The following DPF3 variants were observed in gnomAD, a reference collection of about 807,000 sequenced individuals.
DPF3 encodes double PHD fingers 3, also known as zinc finger protein DPF3.
In DPF3, 18 loss-of-function variants were observed where a neutral mutation model predicts 56.8. The ratio of observed to expected loss-of-function variants is 0.32; its 90% CI spans 0.22 to 0.47. The LOEUF (loss-of-function observed/expected upper bound fraction) is 0.47, where lower values mean the gene tolerates loss of function less well. Among genes scored for constraint, DPF3 ranks in the 20% least tolerant of loss-of-function variants. DPF3 has a pLI of 1.00. For missense variants in DPF3, 403 were observed against 488.8 expected (o/e 0.82, Z 1.65); for synonymous variants, 188 against 180.2 (o/e 1.04, Z -0.35).
rs373972504 is a variant in DPF3 at position 72,892,993 on chromosome 14, A to C, written c.32+1064T>G. Among the ~76,000 whole-genome samples, 27 of 140,812 alleles carry C rather than the reference A, an allele frequency of 1.9e-4. 2 individuals are homozygous for C. Among genetic ancestry groups the C allele is most frequent in the South Asian group, 4.6e-4 (2 of 4,382 alleles). 92.4% of individuals were successfully genotyped at this position (140,812 alleles called of 152,430 possible). On this transcript the variant is annotated intron_variant, in intron 1 of 10. Coordinates refer to ENST00000556509, the MANE Select transcript of DPF3 (RefSeq NM_001280542.3). ...GAAGGAAGGAAGGAAGGAAGGAAGG[A>C]AGGAAGGAAGGAAGGAAGGAAGGAA...
intron 1 of DPF3, among the ~76,000 whole-genome samples, chr14:72,840,680 C>T (rs1316820923): frequency 6.6e-6 from 1 of 152,182 alleles, no homozygotes; most frequent in Non-Finnish European, 1.5e-5. Context: ...TGTTATAATT[C>T]ATGATATAAA....
intron 6 of DPF3, among the ~76,000 whole-genome samples, chr14:72,700,771 A>G (rs1333675018): frequency 6.6e-6 from 1 of 152,192 alleles, no homozygotes; most frequent in Non-Finnish European, 1.5e-5. Context: ...GTGCCTCAGC[A>G]TCCTCTCTGT....
intron 1 of DPF3, among the ~76,000 whole-genome samples, chr14:72,826,162 T>A (rs555152723): frequency 2.6e-5 from 4 of 152,262 alleles, no homozygotes; most frequent in African/African-American, 9.6e-5. Context: ...TTGAATAGCA[T>A]GTCAGATAAT....
At chr14:72,671,529 T>C in intron 8 of DPF3, 1 of 831,374 alleles carries the variant, frequency 1.2e-6, no homozygotes, top group Non-Finnish European at 2.1e-6. Flanking sequence ...GGGAAGAGGC[T>C]TCCCCCACTC....
rs558878207 is a variant in DPF3, at chr14:72,714,339, C to A, written c.604+84G>T. ...GAGAGCACACACTGAGGTTGGCAGG[C>A]GGATGGCCAAGGAAGCACAGGGAAG... On this transcript the variant is annotated intron_variant, in intron 6 of 10. Coordinates refer to ENST00000556509, the MANE Select transcript of DPF3 (RefSeq NM_001280542.3). 3.2e-6 allele frequency: 5 copies of A among 1,547,074 alleles called. No homozygotes were observed. In the Admixed American group the frequency reaches 5.2e-5, roughly 16 times the overall value.
At chr14:72,745,774 G>C (rs1011060736) in intron 3 of DPF3, among the ~76,000 whole-genome samples, 1 of 152,120 alleles carries the variant, frequency 6.6e-6, no homozygotes, top group African/African-American at 2.4e-5. Flanking sequence ...ACTCTATCCT[G>C]AGTCACGCGC....
chr14:72,784,951 C>T (rs1274384019), intron 1 of DPF3, among the ~76,000 whole-genome samples: 1 of 151,094 alleles, frequency 6.6e-6, no homozygotes, highest in Non-Finnish European at 1.5e-5. Flanking sequence ...GAGCAAAACA[C>T]CGCCTCAAAA....
At chr14:72,663,612 C>G (rs536873461) in intron 8 of DPF3, among the ~76,000 whole-genome samples, 1 of 152,154 alleles carries the variant, frequency 6.6e-6, no homozygotes, top group Non-Finnish European at 1.5e-5. Flanking sequence ...GTCTTTGGAA[C>G]GGAGTAGTTG....
At chr14:72,743,744 C>T (rs1315707903) in intron 3 of DPF3, among the ~76,000 whole-genome samples, 1 of 152,240 alleles carries the variant, frequency 6.6e-6, no homozygotes, top group Non-Finnish European at 1.5e-5. Context: ...TCTGCCAGCT[C>T]CACTCCCCCT....
At chr14:72,836,534 C>A in intron 1 of DPF3, 1 of 984,370 alleles carries the variant, frequency 1.0e-6, no homozygotes, top group Non-Finnish European at 1.2e-6. Flanking sequence ...ATTATGATTG[C>A]CCTGTGGTTG....
At chr14:72,691,843 G>T (rs540359045) in intron 7 of DPF3, among the ~76,000 whole-genome samples, 15 of 152,240 alleles carry the variant, frequency 9.9e-5, no homozygotes, top group African/African-American at 3.6e-4. Flanking sequence ...AAGTCAAGGA[G>T]AGGAAACCAA....
chr14:72,692,881 T>C (rs1482067539), intron 7 of DPF3, among the ~76,000 whole-genome samples, 195 bp downstream of exon 7: 1 of 152,196 alleles, frequency 6.6e-6, no homozygotes, highest in Non-Finnish European at 1.5e-5. Flanking sequence ...GCCCTGCTAT[T>C]GCTAAGCCTA....
intron 3 of DPF3, among the ~76,000 whole-genome samples, chr14:72,747,347 C>A (rs1890367002): frequency 6.6e-6 from 1 of 152,136 alleles, no homozygotes. Context: ...GGGGTAATAA[C>A]CCCAGCCAGC....
intron 3 of DPF3, among the ~76,000 whole-genome samples, chr14:72,745,663 C>A (rs1010238821): frequency 3.9e-5 from 6 of 152,082 alleles, no homozygotes; most frequent in African/African-American, 1.4e-4. Flanking sequence ...GTTTCCCTCA[C>A]CTGCTCCCCT....
intron 9 of DPF3, among the ~76,000 whole-genome samples, 180 bp from the exon 10 acceptor site, chr14:72,620,164 T>C (rs1405417258): frequency 6.6e-6 from 1 of 152,008 alleles, no homozygotes; most frequent in African/African-American, 2.4e-5. Flanking sequence ...CAACTGGAGT[T>C]TCCCCCTCTA....
At chr14:72,749,611 T>C (rs1890476945) in intron 3 of DPF3, among the ~76,000 whole-genome samples, 1 of 152,248 alleles carries the variant, frequency 6.6e-6, no homozygotes, top group Non-Finnish European at 1.5e-5. Context: ...TCTCATCTTG[T>C]AGCTCCCCTA....
At chr14:72,692,349 C>T (rs1887725844) in intron 7 of DPF3, among the ~76,000 whole-genome samples, 1 of 152,152 alleles carries the variant, frequency 6.6e-6, no homozygotes, top group Non-Finnish European at 1.5e-5. Flanking sequence ...TCTGCAGGCC[C>T]AGAGACCATA....
chr14:72,821,356 G>C (rs2140034784), intron 1 of DPF3, among the ~76,000 whole-genome samples: 1 of 152,262 alleles, frequency 6.6e-6, no homozygotes, highest in Middle Eastern at 3.4e-3. Flanking sequence ...GTAGAGGCAG[G>C]AGGATAGCTT....
intron 1 of DPF3, among the ~76,000 whole-genome samples, chr14:72,881,440 G>C (rs1318498803): frequency 6.6e-6 from 1 of 152,038 alleles, no homozygotes; most frequent in Non-Finnish European, 1.5e-5. Flanking sequence ...CATCACATAA[G>C]GCCAACACTG....
Sources: gnomAD v4.1 joint callset for allele counts (sites outside exome capture counted in the v4.1 genomes callset) on GRCh38, gnomAD v4.1.1 for gene constraint, MANE v1.5 for transcripts, NCBI Gene and HGNC (gene_info 2026-07-23, HGNC 2026-07-21) for gene names.